The following GALNTL6 variants were observed in gnomAD, a reference collection of about 807,000 sequenced individuals.
The protein encoded by GALNTL6 is polypeptide N-acetylgalactosaminyltransferase-like 6.
A neutral mutation model predicts 73.7 loss-of-function variants in GALNTL6; 46 were observed. That is an observed-to-expected ratio of 0.62 (90% CI 0.49 to 0.80). The LOEUF is 0.80. Ranked by LOEUF, GALNTL6 falls within the 30% of genes least tolerant of loss-of-function variation. The pLI is 0.00. For missense variants in GALNTL6, 604 were observed against 755.0 expected, an observed-to-expected ratio of 0.80 and a Z score of 2.34; for synonymous variants, 259 against 263.7, an observed-to-expected ratio of 0.98 and a Z score of 0.17.
At chr4:172,223,004 A>G (rs151124931) in intron 2 of GALNTL6, among the ~76,000 whole-genome samples, 65 of 152,118 alleles carry the variant, frequency 4.3e-4, no homozygotes, top group Middle Eastern at 3.4e-3. Flanking sequence ...TTAAGTCAAG[A>G]TTTTACATAA....
chr4:172,221,143 T>G (rs1231679742), intron 2 of GALNTL6, among the ~76,000 whole-genome samples: 13 of 151,852 alleles, frequency 8.6e-5, no homozygotes, highest in Non-Finnish European at 5.9e-5. Context: ...TTGGTTTCTT[T>G]GTCACTATCA....
chr4:172,953,509 G>T (rs1001099429), intron 10 of GALNTL6, among the ~76,000 whole-genome samples: 29 of 152,176 alleles, frequency 1.9e-4, no homozygotes, highest in African/African-American at 6.3e-4. Context: ...TGCCTAGATA[G>T]TGTCTGTGGC....
At chr4:172,752,933 GTCA>G (rs1431171512) in intron 5 of GALNTL6, among the ~76,000 whole-genome samples, 1 of 152,006 alleles carries the variant, frequency 6.6e-6, no homozygotes, top group Non-Finnish European at 1.5e-5. Context: ...ACTCAATTTA[GTCA>G]TCTACATTCT....
intron 2 of GALNTL6, among the ~76,000 whole-genome samples, chr4:171,894,701 G>A (rs1736859197): frequency 6.6e-6 from 1 of 152,116 alleles, no homozygotes; most frequent in Non-Finnish European, 1.5e-5. Flanking sequence ...AAAGTTAAAT[G>A]ATTCAAGTGA....
At chr4:171,983,238 CTTATT>C (rs1189201187) in intron 2 of GALNTL6, among the ~76,000 whole-genome samples, 5 of 152,026 alleles carry the variant, frequency 3.3e-5, no homozygotes, top group East Asian at 3.9e-4. Flanking sequence ...TTAGAGTGCT[CTTATT>C]TTGAGGGGCA....
At chr4:171,959,289 G>T (rs1047964168) in intron 2 of GALNTL6, among the ~76,000 whole-genome samples, 6 of 152,000 alleles carry the variant, frequency 3.9e-5, no homozygotes, top group African/African-American at 1.5e-4. Flanking sequence ...ACATTTTTGT[G>T]AATTAATCAT....
At chr4:172,218,010 C>T (rs1276163518) in intron 2 of GALNTL6, among the ~76,000 whole-genome samples, 1 of 152,022 alleles carries the variant, frequency 6.6e-6, no homozygotes, top group Non-Finnish European at 1.5e-5. Context: ...TCAGCTCTTT[C>T]AGCTCTAACC....
intron 2 of GALNTL6, among the ~76,000 whole-genome samples, chr4:172,029,612 G>A (rs1741704430): frequency 6.6e-6 from 1 of 151,966 alleles, no homozygotes; most frequent in Admixed American, 6.6e-5. Flanking sequence ...GAACTAAATA[G>A]TACATCACTG....
chr4:172,767,597 A>G (rs1198903711), intron 5 of GALNTL6, among the ~76,000 whole-genome samples: 1 of 151,950 alleles, frequency 6.6e-6, no homozygotes, highest in East Asian at 1.9e-4. Context: ...CTAGAAATGT[A>G]TAACATTCCC....
At chr4:172,293,847 T>C (rs1263156596) in intron 3 of GALNTL6, among the ~76,000 whole-genome samples, 2 of 151,406 alleles carry the variant, frequency 1.3e-5, no homozygotes, top group Non-Finnish European at 2.9e-5. Flanking sequence ...TTTTTTAAAT[T>C]GAAAATATTT....
intron 2 of GALNTL6, among the ~76,000 whole-genome samples, chr4:172,126,998 A>G (rs546129161): frequency 6.6e-6 from 1 of 152,282 alleles, no homozygotes; most frequent in East Asian, 1.9e-4. Flanking sequence ...ACATTTTCAC[A>G]TGCCTCAAGG....
chr4:172,491,874 G>A (rs1194559346), intron 5 of GALNTL6, among the ~76,000 whole-genome samples: 1 of 152,130 alleles, frequency 6.6e-6, no homozygotes, highest in East Asian at 1.9e-4. Context: ...AAGAAATATG[G>A]AAATTGAAAG....
rs1451084915 is a variant in GALNTL6, at chr4:171,831,796, A to G, written c.138+17078A>G. On this transcript the variant is annotated intron_variant, in intron 2 of 12. Coordinates refer to ENST00000506823, the MANE Select transcript of GALNTL6 (RefSeq NM_001034845.3). ...ATGTCATTGCACATTGTTTTGTATCATAATATTTGTATGCTAAAACATAAC... is the reference window on the plus strand; with the variant it reads ...ATGTCATTGCACATTGTTTTGTATCGTAATATTTGTATGCTAAAACATAAC... 7.9e-5 allele frequency among the ~76,000 whole-genome samples: 12 copies of G among 151,926 alleles called. No individual in the cohort carries two copies. The East Asian group carries it at 2.1e-3, about 27-fold the overall frequency.
chr4:172,140,358 T>C (rs1039978669), intron 2 of GALNTL6, among the ~76,000 whole-genome samples: 6 of 152,106 alleles, frequency 3.9e-5, no homozygotes, highest in Non-Finnish European at 7.4e-5. Flanking sequence ...AGAAATTTAG[T>C]ATACTATTAA....
intron 2 of GALNTL6, among the ~76,000 whole-genome samples, chr4:172,018,447 A>T (rs1269426993): frequency 6.6e-6 from 1 of 151,932 alleles, no homozygotes; most frequent in East Asian, 1.9e-4. Context: ...AGAGGGGAGT[A>T]TGGCTGCCTC....
chr4:173,024,892 T>A (rs1753171190), intron 12 of GALNTL6, among the ~76,000 whole-genome samples: 1 of 152,160 alleles, frequency 6.6e-6, no homozygotes, highest in African/African-American at 2.4e-5. Flanking sequence ...AACTCCCACT[T>A]TTTATAAGTG....
chr4:172,405,431 ATATATATATATATTTTTTTTTTTTTT>A (rs1425484544), intron 5 of GALNTL6, among the ~76,000 whole-genome samples: 9 of 4,316 alleles, frequency 2.1e-3, no homozygotes, highest in South Asian at 0.014. Flanking sequence ...ATATATATAT[ATATATATATATATTTTTTTTTTTTTT>A]TTTTTTTTTC....
At chr4:172,665,055 A>G (rs1161709042) in intron 5 of GALNTL6, among the ~76,000 whole-genome samples, 1 of 152,200 alleles carries the variant, frequency 6.6e-6, no homozygotes, top group Non-Finnish European at 1.5e-5. Context: ...AAGTACAAAT[A>G]TATACCTCCC....
At chr4:172,452,702 C>G (rs532223707) in intron 5 of GALNTL6, among the ~76,000 whole-genome samples, 2 of 152,206 alleles carry the variant, frequency 1.3e-5, no homozygotes, top group South Asian at 2.1e-4. Flanking sequence ...AAGTTTACAA[C>G]AAAACTGATT....
Sources: allele counts gnomAD v4.1 joint callset (sites outside exome capture counted in the v4.1 genomes callset), GRCh38; gene constraint gnomAD v4.1.1; transcripts MANE v1.5; gene names NCBI Gene and HGNC (gene_info 2026-07-23, HGNC 2026-07-21).